Variants in TENM2 observed in about 807,000 individuals in gnomAD.
TENM2 encodes the protein teneurin transmembrane protein 2.
Under a neutral mutation model 245.2 loss-of-function variants are expected in TENM2, and 52 were observed. The ratio of observed to expected loss-of-function variants is 0.21; its 90% CI spans 0.17 to 0.27. The LOEUF (loss-of-function observed/expected upper bound fraction) is 0.27, where lower values mean the gene tolerates loss of function less well. TENM2 is among the 10% of genes least tolerant of loss of function. The pLI, the probability that TENM2 is intolerant of heterozygous loss-of-function variation, is 1.00. For synonymous variants in TENM2, 1,363 were observed against 1,438.9 expected (o/e 0.95, Z 1.19); for missense variants, 3,046 against 3,666.8 (o/e 0.83, Z 4.37).
At chr5:167,330,239 A>G (rs1447625245) in intron 1 of TENM2, among the ~76,000 whole-genome samples, 1 of 152,192 alleles carries the variant, frequency 6.6e-6, no homozygotes, top group Non-Finnish European at 1.5e-5. Flanking sequence ...ATAAATGACC[A>G]GCCTTGTGTC....
intron 2 of TENM2, among the ~76,000 whole-genome samples, chr5:167,438,039 C>G (rs1190815919): frequency 1.3e-5 from 2 of 152,206 alleles, no homozygotes; most frequent in African/African-American, 2.4e-5. Flanking sequence ...ATAATCATTA[C>G]TTATTAATAA....
the TENM2 span, among the ~76,000 whole-genome samples, chr5:167,213,034 C>T: frequency 1.3e-5 from 2 of 152,296 alleles, no homozygotes; most frequent in East Asian, 3.9e-4. Flanking sequence ...TGGATATTTA[C>T]AGTTTTAAAG....
At position 167,776,641 on chromosome 5, in the gene TENM2, CTATA is replaced by C. The variant is rs10522774; in HGVS notation, c.503-99325_503-99322del. Among the ~76,000 whole-genome samples, 201 of 116,168 alleles carry C rather than the reference CTATA, an allele frequency of 1.7e-3. 5 individuals carry two copies. The highest frequency in any genetic ancestry group is 2.8e-3 in the African/African-American group (88 of 31,006). 76.2% of individuals were successfully genotyped at this position (116,168 alleles called of 152,430 possible). A position where few individuals can be genotyped will look rare whatever the true frequency, so the allele number is the denominator to read the frequency against. ...AAAAAAAAAAACCATATATATGTAT[CTATA>C]TATATATATATATATATATTTTTCA... On this transcript the variant is annotated intron_variant, in intron 2 of 28. Coordinates refer to ENST00000518659, the Ensembl canonical transcript of TENM2.
At chr5:167,463,647 C>T (rs948455884) in intron 2 of TENM2, among the ~76,000 whole-genome samples, 2 of 151,932 alleles carry the variant, frequency 1.3e-5, no homozygotes, top group African/African-American at 4.8e-5. Flanking sequence ...TATGGGCATG[C>T]ACCATCATGC....
chr5:168,219,843 A>AAAAAAAAAAAAAAC, intron 23 of TENM2, among the ~76,000 whole-genome samples: 1 of 151,414 alleles, frequency 6.6e-6, no homozygotes, highest in South Asian at 2.1e-4. Flanking sequence ...AAAAAAAAAA[A>AAAAAAAAAAAAAAC]AAAAAAGCGG....
At chr5:168,042,631 C>T (rs771488263) in intron 5 of TENM2, among the ~76,000 whole-genome samples, 2 of 152,256 alleles carry the variant, frequency 1.3e-5, no homozygotes, top group East Asian at 1.9e-4. Context: ...CTCCCTTTCT[C>T]GGGTGTCACT....
chr5:167,440,639 TA>T (rs1319129230), intron 2 of TENM2, among the ~76,000 whole-genome samples: 1 of 152,216 alleles, frequency 6.6e-6, no homozygotes, highest in Non-Finnish European at 1.5e-5. Context: ...AGGCACTATG[TA>T]ATATGAATCC....
intron 2 of TENM2, among the ~76,000 whole-genome samples, chr5:167,691,797 G>A (rs576533189): frequency 6.6e-6 from 1 of 152,170 alleles, no homozygotes; most frequent in Non-Finnish European, 1.5e-5. Flanking sequence ...TGGACAAGGG[G>A]GATCTCGCTG....
intron 2 of TENM2, among the ~76,000 whole-genome samples, chr5:167,442,583 G>A (rs1385756683): frequency 5.4e-5 from 8 of 149,248 alleles, no homozygotes; most frequent in Non-Finnish European, 4.5e-5. Context: ...AATTTTATCA[G>A]AAAAAAAAAA....
chr5:167,649,827 A>G (rs565200786), intron 2 of TENM2, among the ~76,000 whole-genome samples: 1 of 152,238 alleles, frequency 6.6e-6, no homozygotes, highest in Non-Finnish European at 1.5e-5. Flanking sequence ...GTAGATTCAT[A>G]TCAAAGTCTC....
chr5:167,853,447 C>A (rs1201976986), intron 2 of TENM2, among the ~76,000 whole-genome samples: 1 of 151,978 alleles, frequency 6.6e-6, no homozygotes, highest in Non-Finnish European at 1.5e-5. Context: ...GGTTCTGTGA[C>A]CCCGTGGGAG....
chr5:167,454,454 G>GTGTGTT (rs1216075170), intron 2 of TENM2, among the ~76,000 whole-genome samples: 1 of 60,688 alleles, frequency 1.6e-5, no homozygotes, highest in Non-Finnish European at 4.4e-5. Context: ...AGAAATAACT[G>GTGTGTT]TGTGTGTGTG....
the TENM2 span, among the ~76,000 whole-genome samples, chr5:167,030,462 C>T: frequency 6.6e-6 from 1 of 152,132 alleles, no homozygotes; most frequent in Non-Finnish European, 1.5e-5. Context: ...CCCCGTTACC[C>T]CCAGCGCTTT....
chr5:167,635,679 CTG>C (rs1229331305), intron 2 of TENM2, among the ~76,000 whole-genome samples: 5 of 108,212 alleles, frequency 4.6e-5, no homozygotes, highest in African/African-American at 8.1e-5. Flanking sequence ...GAGTCTCGCT[CTG>C]TCGCCCAGGA....
At position 167,610,643 on chromosome 5, in the gene TENM2, A is replaced by AGCTAGAGT. The variant is rs1244241279; in HGVS notation, c.502+235172_502+235179dup. ...ATTCACTCTTCCAAGTACTATAATAAGCTAGAGTGATAAGCTTGAGATGGG... is the reference window on the plus strand; with the variant it reads ...ATTCACTCTTCCAAGTACTATAATAAGCTAGAGTGCTAGAGTGATAAGCTTGAGATGGG... On this transcript the variant is annotated intron_variant, in intron 2 of 28. Coordinates refer to ENST00000518659, the Ensembl canonical transcript of TENM2. Among the ~76,000 whole-genome samples, 3 of 152,198 alleles carry AGCTAGAGT rather than the reference A, an allele frequency of 2.0e-5. No individual in the cohort carries two copies. In the East Asian group the frequency reaches 5.8e-4, roughly 29 times the overall value.
At chr5:167,807,124 T>TAA (rs1178739925) in intron 2 of TENM2, among the ~76,000 whole-genome samples, 1,076 of 49,010 alleles carry the variant, frequency 0.022, 93 homozygotes, top group African/African-American at 0.053. Context: ...GCCCCTAGGT[T>TAA]AAAAAAAAAA....
intron 6 of TENM2, among the ~76,000 whole-genome samples, chr5:168,051,443 C>A (rs1459982997): frequency 1.3e-5 from 2 of 152,050 alleles, no homozygotes. Context: ...AAATATTCAC[C>A]ATCTGACCCT....
chr5:167,866,443 A>C (rs1352683363), intron 2 of TENM2, among the ~76,000 whole-genome samples: 2 of 150,424 alleles, frequency 1.3e-5, no homozygotes, highest in African/African-American at 2.5e-5. Context: ...GGCTGCAGTG[A>C]GCCAAGATGG....
chr5:167,375,386 A>G, exon 2 of TENM2: 1 of 1,551,726 alleles, frequency 6.4e-7, no homozygotes, highest in Non-Finnish European at 8.7e-7. Flanking sequence ...GATAAAATCC[A>G]GGCGCAGTTC....
Sources: gnomAD v4.1 joint callset for allele counts (sites outside exome capture counted in the v4.1 genomes callset) on GRCh38, gnomAD v4.1.1 for gene constraint, MANE v1.5 for transcripts, NCBI Gene and HGNC (gene_info 2026-07-23, HGNC 2026-07-21) for gene names.